NHS: variants seen among roughly 807,000 people sequenced by gnomAD.
NHS encodes the protein NHS actin remodeling regulator.
In NHS, 5 loss-of-function variants were observed where a neutral mutation model predicts 72.5. That is an observed-to-expected ratio of 0.07 (90% CI 0.04 to 0.14). The LOEUF (loss-of-function observed/expected upper bound fraction) is 0.14. Among genes scored for constraint, NHS ranks in the 10% least tolerant of loss-of-function variants. NHS has a pLI of 1.00. For synonymous variants in NHS, 464 were observed against 547.7 expected (o/e 0.85, Z 2.13); for missense variants, 1,072 against 1,355.7 (o/e 0.79, Z 3.29).
intron 1 of NHS, among the ~76,000 whole-genome samples, chrX:17,438,026 T>A (rs1280386082): frequency 2.7e-5 from 3 of 112,442 alleles, no homozygotes; most frequent in African/African-American, 9.7e-5. Context: ...CAATTAAAAA[T>A]AAATTTTTTA....
At chrX:17,548,522 G>T (rs2065305949) in intron 1 of NHS, among the ~76,000 whole-genome samples, 1 of 111,145 alleles carries the variant, frequency 9.0e-6, no homozygotes, top group African/African-American at 3.3e-5. Flanking sequence ...TTTACTACAG[G>T]AGAGATTCAA....
intron 1 of NHS, among the ~76,000 whole-genome samples, chrX:17,434,306 C>G (rs1383243258): frequency 9.0e-6 from 1 of 111,554 alleles, no homozygotes; most frequent in Non-Finnish European, 1.9e-5. Context: ...TGGAAACTTC[C>G]CCTCTCAGTT....
chrX:17,686,517 C>T (rs1220265319), intron 1 of NHS, among the ~76,000 whole-genome samples: 1 of 112,351 alleles, frequency 8.9e-6, no homozygotes, highest in Non-Finnish European at 1.9e-5. Flanking sequence ...AGAAGCCCCT[C>T]TACTTCTAGG....
chrX:17,674,144 G>C (rs1001222580), intron 1 of NHS, among the ~76,000 whole-genome samples: 1 of 111,697 alleles, frequency 9.0e-6, no homozygotes, highest in Non-Finnish European at 1.9e-5. Flanking sequence ...AGTACACTCG[G>C]AGGGATTGGG....
Position 17,635,671 on chromosome X carries a change from T to C in NHS, c.566-52071T>C, listed in dbSNP as rs1175262071. 3.9e-6 allele frequency: 4 copies of C among 1,016,180 alleles called. No homozygotes were observed. The African/African-American group carries it at 5.7e-5, about 14-fold the overall frequency. 83.7% of individuals were successfully genotyped at this position (1,016,180 alleles called of 1,213,427 possible). ...GAGGCTGGGTCTAACGAAGAGGGGC[T>C]TGTGCTGTAGCCACTTCCTATTCTG... On this transcript the variant is annotated intron_variant, in intron 1 of 8. Transcript: ENST00000676302.
At position 17,735,979 on chromosome X, in the gene NHS, C is replaced by T. The variant is rs1283553769; in HGVS notation, c.*3515C>T. On this transcript the variant is annotated 3_prime_UTR_variant, in exon 9 of 9. Transcript: ENST00000676302. The stretch of plus-strand genomic sequence containing the variant: ...AGTGTGTATAGAAACTGCAAATAAA[C>T]GTGACTGCAATTAAACAACCGGTTT... 8.9e-6 allele frequency: 1 copy of T among 112,134 alleles called. No homozygotes were observed. Among genetic ancestry groups the T allele is most frequent in the Non-Finnish European group, 1.9e-5 (1 of 53,245 alleles). The allele number at this position is 112,134 out of a possible 1,213,427, so 9.2% of individuals were successfully genotyped here. A position where few individuals can be genotyped will look rare whatever the true frequency, so the allele number is the denominator to read the frequency against.
chrX:17,538,632 G>C (rs1204086473), intron 1 of NHS, among the ~76,000 whole-genome samples: 1 of 111,632 alleles, frequency 9.0e-6, no homozygotes, highest in Non-Finnish European at 1.9e-5. Context: ...GAGGGTCATA[G>C]GTGTACGGAG....
intron 2 of NHS, among the ~76,000 whole-genome samples, chrX:17,688,790 C>G (rs1305209801): frequency 8.9e-6 from 1 of 112,156 alleles, no homozygotes; most frequent in African/African-American, 3.2e-5. Context: ...AGGCTCATAG[C>G]AGTCAAAATA....
chrX:17,506,561 A>G (rs185810643), intron 1 of NHS, among the ~76,000 whole-genome samples: 166 of 103,253 alleles, frequency 1.6e-3, no homozygotes, highest in Middle Eastern at 4.8e-3. Flanking sequence ...AAATAAATAA[A>G]TAAATAAGTA....
At position 17,645,756 on chromosome X, in the gene NHS, C is replaced by T. The variant is rs1485991516; in HGVS notation, c.566-41986C>T. On this transcript the variant is annotated intron_variant, in intron 1 of 8. Transcript: ENST00000676302. ...GTTCCCTCTTGAGACAAGAAATATC[C>T]GAATCATCTGTTTTCTCTGTTTTAA... Among the ~76,000 whole-genome samples, 5 of 111,659 alleles carry T rather than the reference C, an allele frequency of 4.5e-5. 1 individual carries two copies. In the East Asian group the frequency reaches 1.1e-3, roughly 25 times the overall value.
At chrX:17,409,833 T>C (rs1373574876) in intron 1 of NHS, among the ~76,000 whole-genome samples, 2 of 112,046 alleles carry the variant, frequency 1.8e-5, no homozygotes, top group Non-Finnish European at 3.8e-5. Context: ...GAGCTAAAGC[T>C]TTCCTTTGGC....
chrX:17,495,987 G>C (rs2065010639), intron 1 of NHS, among the ~76,000 whole-genome samples: 1 of 111,296 alleles, frequency 9.0e-6, no homozygotes, highest in Non-Finnish European at 1.9e-5. Flanking sequence ...CTGGAACAAT[G>C]GTGAGCCAGC....
At chrX:17,537,488 C>T (rs1439514602) in intron 1 of NHS, among the ~76,000 whole-genome samples, 2 of 112,596 alleles carry the variant, frequency 1.8e-5, no homozygotes, top group Non-Finnish European at 3.8e-5. Flanking sequence ...CAGGGTCCTG[C>T]CTGGTGCTAT....
chrX:17,687,677 C>T, intron 1 of NHS, 65 bp from the exon 2 acceptor site: 1 of 1,171,809 alleles, frequency 8.5e-7, no homozygotes. Context: ...CTTCCCCACC[C>T]CAGGGTTGGC....
chrX:17,547,588 A>G (rs1230366685), intron 1 of NHS, among the ~76,000 whole-genome samples: 1 of 112,426 alleles, frequency 8.9e-6, no homozygotes, highest in Non-Finnish European at 1.9e-5. Flanking sequence ...ATTCCTTTCA[A>G]TAAAGGGACG....
At chrX:17,393,625 G>C (rs767665246) in intron 1 of NHS, among the ~76,000 whole-genome samples, 1 of 112,333 alleles carries the variant, frequency 8.9e-6, no homozygotes, top group Non-Finnish European at 1.9e-5. Flanking sequence ...GGAGGAGGAA[G>C]AGTGATGAGT....
chrX:17,712,361 T>TACACACAC (rs745619023), intron 3 of NHS, among the ~76,000 whole-genome samples: 8 of 77,078 alleles, frequency 1.0e-4, no homozygotes, highest in African/African-American at 3.8e-4. Context: ...CACATTTGTA[T>TACACACAC]ACACACACAC....
chrX:17,564,664 A>G (rs1393074721), intron 1 of NHS, among the ~76,000 whole-genome samples: 1 of 112,403 alleles, frequency 8.9e-6, no homozygotes, highest in African/African-American at 3.2e-5. Flanking sequence ...TTTCTTTTTC[A>G]GAATGTGTTA....
chrX:17,526,227 G>A (rs1416703320), intron 1 of NHS, among the ~76,000 whole-genome samples: 1 of 112,651 alleles, frequency 8.9e-6, no homozygotes, highest in Non-Finnish European at 1.9e-5. Flanking sequence ...TTAGTCTGTG[G>A]TTGAGCTCAG....
Sources: gnomAD v4.1 joint callset for allele counts (sites outside exome capture counted in the v4.1 genomes callset) on GRCh38, gnomAD v4.1.1 for gene constraint, MANE v1.5 for transcripts, NCBI Gene and HGNC (gene_info 2026-07-23, HGNC 2026-07-21) for gene names.